Variants in OPA1 observed in about 807,000 individuals in gnomAD.
The protein encoded by OPA1 is dynamin-like GTPase OPA1, mitochondrial.
A neutral mutation model predicts 152.9 loss-of-function variants in OPA1; 59 were observed. The observed-to-expected ratio is 0.39, with a 90% CI of 0.31 to 0.48. The LOEUF (loss-of-function observed/expected upper bound fraction) is 0.48. Ranked by LOEUF, OPA1 falls within the 20% of genes least tolerant of loss-of-function variation. The pLI is 0.96. For missense variants in OPA1, 1,008 were observed against 1,216.8 expected (o/e 0.83, Z 2.55); for synonymous variants, 400 against 389.9 (o/e 1.03, Z -0.31).
At chr3:193,610,835 C>G (rs1728114457) in intron 1 of OPA1, among the ~76,000 whole-genome samples, 1 of 152,246 alleles carries the variant, frequency 6.6e-6, no homozygotes, top group African/African-American at 2.4e-5. Flanking sequence ...CCCGCTGAGC[C>G]AGGCGCGGGA....
At chr3:193,688,825 A>T (rs767210897) in intron 29 of OPA1, among the ~76,000 whole-genome samples, 2 of 151,970 alleles carry the variant, frequency 1.3e-5, no homozygotes, top group African/African-American at 4.8e-5. Flanking sequence ...TGACAAAAAA[A>T]ATTGTTTTAA....
chr3:193,675,797 C>T (rs1390152982), intron 29 of OPA1, among the ~76,000 whole-genome samples: 3 of 152,214 alleles, frequency 2.0e-5, no homozygotes, highest in African/African-American at 4.8e-5. Context: ...CCCCATACCT[C>T]GTGTGTTACA....
At chr3:193,633,096 G>A (rs1732361174) in intron 8 of OPA1, among the ~76,000 whole-genome samples, 1 of 121,154 alleles carries the variant, frequency 8.3e-6, no homozygotes, top group Admixed American at 8.1e-5. Flanking sequence ...TGTGCTCTGA[G>A]TGGCACTATA....
chr3:193,672,635 G>A (rs1054169894), intron 29 of OPA1, among the ~76,000 whole-genome samples: 13 of 152,102 alleles, frequency 8.5e-5, no homozygotes, highest in African/African-American at 2.2e-4. Context: ...ATGGGAGGCC[G>A]AGGCGGGTGG....
At chr3:193,604,871 A>AAAAAG (rs1553867632) in intron 1 of OPA1, among the ~76,000 whole-genome samples, 19 of 151,576 alleles carry the variant, frequency 1.3e-4, no homozygotes, top group Admixed American at 6.6e-5. Flanking sequence ...AAAAAAAAAA[A>AAAAAG]AAAAGAAAAA....
chr3:193,655,961 G>C (rs1005037931), intron 22 of OPA1, among the ~76,000 whole-genome samples: 4 of 152,110 alleles, frequency 2.6e-5, no homozygotes, highest in Non-Finnish European at 5.9e-5. Flanking sequence ...TCTTGCTCCA[G>C]TGTTAACTTC....
At chr3:193,616,071 G>A (rs941922632) in intron 3 of OPA1, among the ~76,000 whole-genome samples, 10 of 152,114 alleles carry the variant, frequency 6.6e-5, no homozygotes, top group South Asian at 2.1e-4. Flanking sequence ...GCTGAAGTGC[G>A]GTCTTGGAAT....
rs1393670955 is a variant in OPA1, at chr3:193,608,416, T to C, written c.33-6307T>C. On this transcript the variant is annotated intron_variant, in intron 1 of 30. Coordinates refer to ENST00000361510, the MANE Select transcript of OPA1 (RefSeq NM_130837.3). ...TGGTATGTTGTGTCTTTGTTCTCAT[T>C]GGTTTCAAAGAACATCTTTACTTCT... 3.3e-5 allele frequency among the ~76,000 whole-genome samples: 5 copies of C among 152,330 alleles called. 1 individual carries two copies. The highest frequency in any genetic ancestry group is 9.6e-5 in the African/African-American group (4 of 41,582).
intron 24 of OPA1, 127 bp downstream of exon 24, chr3:193,659,122 ATTAT>A: frequency 1.3e-6 from 1 of 753,764 alleles, no homozygotes; most frequent in Non-Finnish European, 2.3e-6. Flanking sequence ...ATAGTCGAAT[ATTAT>A]TTGTGGAATT....
At position 193,593,332 on chromosome 3, in the gene OPA1, T is replaced by C. The variant is rs1010076864; in HGVS notation, c.-46T>C. 2 of 1,533,692 alleles carry C rather than the reference T, an allele frequency of 1.3e-6. No homozygotes were observed. Among genetic ancestry groups the C allele is most frequent in the African/African-American group, 2.8e-5 (2 of 72,228 alleles). ...GCCGGGCTGGGGCTCACACGGGGGC[T>C]CCCGCGTGGCCGTCTCGGCGCCTGC... is the stretch of plus-strand genomic sequence containing the variant. On this transcript the variant is annotated 5_prime_UTR_variant, in exon 1 of 31. Coordinates refer to ENST00000361510, the MANE Select transcript of OPA1 (RefSeq NM_130837.3).
chr3:193,692,788 G>A (rs542021886), intron 30 of OPA1, among the ~76,000 whole-genome samples: 38 of 152,240 alleles, frequency 2.5e-4, no homozygotes, highest in African/African-American at 9.1e-4. Context: ...AGGAGACCTC[G>A]CTCTGCCACC....
At chr3:193,599,334 G>A (rs1198350536) in intron 1 of OPA1, among the ~76,000 whole-genome samples, 1 of 151,396 alleles carries the variant, frequency 6.6e-6, no homozygotes, top group African/African-American at 2.4e-5. Flanking sequence ...AGCCTTCTAT[G>A]CCAGCTCCTT....
intron 1 of OPA1, among the ~76,000 whole-genome samples, chr3:193,611,845 CT>C (rs34521284): frequency 7.4e-5 from 11 of 148,698 alleles, no homozygotes; most frequent in Admixed American, 1.3e-4. Flanking sequence ...CTTTTCTTTT[CT>C]TTTTTTTTTG....
intron 1 of OPA1, among the ~76,000 whole-genome samples, chr3:193,600,707 T>C (rs1016779679): frequency 4.6e-5 from 7 of 152,212 alleles, no homozygotes; most frequent in African/African-American, 1.7e-4. Flanking sequence ...TTTTCATTGT[T>C]ACCTTGTTAA....
In OPA1 at chr3:193,643,462, A is replaced by T. The variant is rs575087238; in HGVS notation, c.1377+18A>T. 17 of 1,606,748 alleles carry T rather than the reference A, an allele frequency of 1.1e-5. No homozygotes were observed. The Admixed American group carries it at 1.3e-4, about 13-fold the overall frequency. Reference sequence around the variant, plus strand: ...TGATTAATGTAAGTATATACAAAACATGTATTTTATTTTATTCTTATTGTG... The same window carrying T: ...TGATTAATGTAAGTATATACAAAACTTGTATTTTATTTTATTCTTATTGTG... On this transcript the variant is annotated intron_variant, in intron 14 of 30. Coordinates refer to ENST00000361510, the MANE Select transcript of OPA1 (RefSeq NM_130837.3).
At chr3:193,692,154 G>T (rs1721773615) in intron 30 of OPA1, 22 bp downstream of exon 30, 1 of 1,234,776 alleles carries the variant, frequency 8.1e-7, no homozygotes, top group East Asian at 2.5e-5. Context: ...TTCTCTAACT[G>T]TATTGGTGCT....
chr3:193,605,757 T>A (rs1727157578), intron 1 of OPA1, among the ~76,000 whole-genome samples: 2 of 152,194 alleles, frequency 1.3e-5, no homozygotes, highest in Non-Finnish European at 2.9e-5. Flanking sequence ...TGGAACAGTA[T>A]CACGTAGTAA....
intron 1 of OPA1, among the ~76,000 whole-genome samples, chr3:193,600,583 A>G (rs752985892): frequency 2.6e-5 from 4 of 152,230 alleles, no homozygotes; most frequent in African/African-American, 9.6e-5. Context: ...GGTTCAGACA[A>G]TATAAGCAGT....
At chr3:193,623,524 AAG>A (rs1326681555) in intron 6 of OPA1, among the ~76,000 whole-genome samples, 9 of 152,184 alleles carry the variant, frequency 5.9e-5, no homozygotes, top group African/African-American at 2.2e-4. Context: ...GATTTAAAAA[AAG>A]AGAGATGAGA....
Sources: allele counts gnomAD v4.1 joint callset (sites outside exome capture counted in the v4.1 genomes callset), GRCh38; gene constraint gnomAD v4.1.1; transcripts MANE v1.5; gene names NCBI Gene and HGNC (gene_info 2026-07-23, HGNC 2026-07-21).